LRMDA: variants seen among roughly 807,000 people sequenced by gnomAD.
LRMDA encodes the protein leucine-rich melanocyte differentiation-associated protein.
A neutral mutation model predicts 29.8 loss-of-function variants in LRMDA; 18 were observed. The observed-to-expected ratio is 0.60, with a 90% CI of 0.42 to 0.90. The LOEUF (loss-of-function observed/expected upper bound fraction) is 0.90. Among genes scored for constraint, LRMDA ranks in the 40% least tolerant of loss-of-function variants. The pLI is 0.00. For synonymous variants in LRMDA, 125 were observed against 109.4 expected, an observed-to-expected ratio of 1.14 and a Z score of -0.89; for missense variants, 273 against 273.9, an observed-to-expected ratio of 1.00 and a Z score of 0.02.
chr10:75,642,232 G>C (rs987215787), intron 2 of LRMDA, among the ~76,000 whole-genome samples: 1 of 152,200 alleles, frequency 6.6e-6, no homozygotes, highest in Admixed American at 6.5e-5. Context: ...GTCTTCATCT[G>C]TTTGAGCCTC....
chr10:76,382,933 A>G (rs1841610246), intron 6 of LRMDA, among the ~76,000 whole-genome samples: 1 of 152,212 alleles, frequency 6.6e-6, no homozygotes. Flanking sequence ...TACAGCCAGC[A>G]CACTGTTTGT....
intron 2 of LRMDA, among the ~76,000 whole-genome samples, chr10:75,561,465 TC>T (rs1409493632): frequency 2.0e-5 from 3 of 152,076 alleles, no homozygotes; most frequent in Non-Finnish European, 2.9e-5. Context: ...ATTTTGTTGA[TC>T]CTTTCAAAAA....
At chr10:75,712,848 C>T (rs1351224534) in intron 2 of LRMDA, among the ~76,000 whole-genome samples, 2 of 150,642 alleles carry the variant, frequency 1.3e-5, no homozygotes, top group African/African-American at 2.4e-5. Context: ...TTAATTCAAA[C>T]TGAGCGGCTG....
chr10:76,421,911 G>A (rs1344024998), intron 6 of LRMDA, among the ~76,000 whole-genome samples: 1 of 152,178 alleles, frequency 6.6e-6, no homozygotes, highest in South Asian at 2.1e-4. Flanking sequence ...TCTGAATAAT[G>A]TTATATTCCT....
At chr10:75,628,843 C>A (rs957444287) in intron 2 of LRMDA, among the ~76,000 whole-genome samples, 2 of 152,206 alleles carry the variant, frequency 1.3e-5, no homozygotes, top group African/African-American at 4.8e-5. Context: ...CTGAGTAATG[C>A]TGAGAAGGTG....
At chr10:76,399,147 C>T (rs1056242047) in intron 6 of LRMDA, among the ~76,000 whole-genome samples, 15 of 152,070 alleles carry the variant, frequency 9.9e-5, no homozygotes, top group Non-Finnish European at 1.8e-4. Context: ...AAAGGTGATC[C>T]CAAGGTTTAA....
chr10:76,068,181 C>T (rs1848815767), intron 5 of LRMDA, among the ~76,000 whole-genome samples: 1 of 152,200 alleles, frequency 6.6e-6, no homozygotes, highest in Non-Finnish European at 1.5e-5. Context: ...AAACCACCTG[C>T]TACTATAGGT....
At position 76,063,877 on chromosome 10, in the gene LRMDA, T is replaced by C. The variant is rs532902537; in HGVS notation, c.516+5094T>C. Among the ~76,000 whole-genome samples, 3 of 152,260 alleles carry C rather than the reference T, an allele frequency of 2.0e-5. No individual in the cohort carries two copies. In the East Asian group the frequency reaches 5.8e-4, roughly 29 times the overall value. ...GCCATCTAGGATGAAGACGGAATGA[T>C]TCATAAGGAAGCTGGCTTCTCATTG... On this transcript the variant is annotated intron_variant, in intron 5 of 6. Coordinates refer to ENST00000611255, the MANE Select transcript of LRMDA (RefSeq NM_001305581.2).
At chr10:76,202,898 C>T (rs539854787) in intron 5 of LRMDA, among the ~76,000 whole-genome samples, 19 of 152,226 alleles carry the variant, frequency 1.2e-4, no homozygotes, top group African/African-American at 4.1e-4. Context: ...CCCTGCTCTG[C>T]GGAGAAATCA....
intron 2 of LRMDA, chr10:75,782,639 C>A: frequency 1.1e-6 from 1 of 871,022 alleles, no homozygotes; most frequent in Non-Finnish European, 1.4e-6. Flanking sequence ...ATGGCATGTT[C>A]TGAGCTTCTT....
intron 2 of LRMDA, among the ~76,000 whole-genome samples, chr10:75,953,707 G>A (rs189116005): frequency 6.6e-6 from 1 of 152,202 alleles, no homozygotes; most frequent in East Asian, 1.9e-4. Flanking sequence ...TTCAGCTTGA[G>A]GGAATAAAGG....
chr10:75,518,541 A>C (rs1437633109), intron 2 of LRMDA, among the ~76,000 whole-genome samples: 4 of 152,084 alleles, frequency 2.6e-5, no homozygotes, highest in African/African-American at 9.7e-5. Context: ...GGGATCAGTG[A>C]TGATGTCCCT....
chr10:76,502,679 A>G (rs573574057), intron 6 of LRMDA, among the ~76,000 whole-genome samples: 1 of 151,756 alleles, frequency 6.6e-6, no homozygotes, highest in African/African-American at 2.4e-5. Context: ...GGTTTATAGA[A>G]ATGCTGCTGA....
At chr10:75,856,422 A>T (rs1049131331) in intron 2 of LRMDA, among the ~76,000 whole-genome samples, 8 of 152,182 alleles carry the variant, frequency 5.3e-5, no homozygotes, top group Non-Finnish European at 1.2e-4. Flanking sequence ...ACATTGATGC[A>T]AAAATCCTCA....
chr10:75,581,718 A>G (rs1049017050), intron 2 of LRMDA, among the ~76,000 whole-genome samples: 3 of 151,124 alleles, frequency 2.0e-5, no homozygotes, highest in Non-Finnish European at 4.4e-5. Context: ...CTCAATTGTA[A>G]GTGGGAGTTG....
At chr10:75,847,782 A>C (rs1396558121) in intron 2 of LRMDA, among the ~76,000 whole-genome samples, 1 of 152,218 alleles carries the variant, frequency 6.6e-6, no homozygotes, top group African/African-American at 2.4e-5. Flanking sequence ...GGAAAATCAA[A>C]GAAGGTACCA....
chr10:76,555,002 T>C (rs1843538829), intron 6 of LRMDA, among the ~76,000 whole-genome samples: 1 of 152,118 alleles, frequency 6.6e-6, no homozygotes, highest in East Asian at 1.9e-4. Flanking sequence ...ATTCATGTTA[T>C]CCTAGTGCCA....
At chr10:75,791,704 C>T (rs1269586121) in intron 2 of LRMDA, among the ~76,000 whole-genome samples, 1 of 152,154 alleles carries the variant, frequency 6.6e-6, no homozygotes, top group Non-Finnish European at 1.5e-5. Flanking sequence ...TCAGGCCCTT[C>T]CGGCCTCTCC....
intron 6 of LRMDA, among the ~76,000 whole-genome samples, chr10:76,436,252 A>G (rs985689298): frequency 6.6e-6 from 1 of 152,208 alleles, no homozygotes; most frequent in African/African-American, 2.4e-5. Context: ...AATGTGGAGT[A>G]TATTAATAAA....
Sources: allele counts gnomAD v4.1 joint callset (sites outside exome capture counted in the v4.1 genomes callset), GRCh38; gene constraint gnomAD v4.1.1; transcripts MANE v1.5; gene names NCBI Gene and HGNC (gene_info 2026-07-23, HGNC 2026-07-21).